Variants in ERBB4 observed in about 807,000 individuals in gnomAD.
The protein encoded by ERBB4 is erb-b2 receptor tyrosine kinase 4.
ERBB4 carries 42 observed loss-of-function variants against 158.0 expected under a neutral mutation model. The observed-to-expected ratio is 0.27, with a 90% CI of 0.21 to 0.34. The LOEUF is 0.34. Among genes scored for constraint, ERBB4 ranks in the 10% least tolerant of loss-of-function variants. The pLI, the probability that ERBB4 is intolerant of heterozygous loss-of-function variation, is 1.00. For synonymous variants in ERBB4, 583 were observed against 558.7 expected (o/e 1.04, Z -0.61); for missense variants, 1,333 against 1,624.1 (o/e 0.82, Z 3.08).
chr2:211,920,165 T>C (rs981836932), intron 3 of ERBB4, among the ~76,000 whole-genome samples: 1 of 151,994 alleles, frequency 6.6e-6, no homozygotes, highest in Admixed American at 6.6e-5. Flanking sequence ...AGGGTCACCT[T>C]ACAGGCAAGT....
In ERBB4 at chr2:212,086,560, G is replaced by A. The variant is rs567445585; in HGVS notation, c.234+38192C>T. On this transcript the variant is annotated intron_variant, in intron 2 of 27. Coordinates refer to ENST00000342788, the MANE Select transcript of ERBB4 (RefSeq NM_005235.3). Reference sequence around the variant, plus strand: ...TCTAACTATTTAATTTTATGAATGTGGTAATCAAGGCCCAGAGTGGCTACA... The same window carrying A: ...TCTAACTATTTAATTTTATGAATGTAGTAATCAAGGCCCAGAGTGGCTACA... Among the ~76,000 whole-genome samples the A allele has an allele frequency of 1.4e-4, 21 of 151,946 alleles. No individual in the cohort carries two copies. The East Asian group carries it at 3.9e-3, about 28-fold the overall frequency.
At chr2:212,417,534 CA>C (rs1160034357) in intron 1 of ERBB4, among the ~76,000 whole-genome samples, 1 of 152,010 alleles carries the variant, frequency 6.6e-6, no homozygotes, top group Non-Finnish European at 1.5e-5. Context: ...TCTACTGACT[CA>C]TTTTTACCAA....
rs1480144652 is a variant in ERBB4, at chr2:212,015,039, AAAATATATATATATATATATATATATAT to A, written c.235-67451_235-67424del. ...AACCCCGTCTCTACTAAAAAAAAAA[AAAATATATATATATATATATATATATAT>A]ATATATATATATATATATATATATA... is the stretch of plus-strand genomic sequence containing the variant. On this transcript the variant is annotated intron_variant, in intron 2 of 27. Coordinates refer to ENST00000342788, the MANE Select transcript of ERBB4 (RefSeq NM_005235.3). Among the ~76,000 whole-genome samples, 22 of 14,436 alleles carry A rather than the reference AAAATATATATATATATATATATATATAT, an allele frequency of 1.5e-3. 3 individuals carry two copies. The highest frequency in any genetic ancestry group is 2.9e-3 in the African/African-American group (21 of 7,244). The allele number at this position is 14,436 out of a possible 152,430, so 9.5% of individuals were successfully genotyped here. A position where few individuals can be genotyped will look rare whatever the true frequency, so the allele number is the denominator to read the frequency against.
intron 1 of ERBB4, among the ~76,000 whole-genome samples, chr2:212,382,427 C>T (rs1054204413): frequency 1.3e-5 from 2 of 150,430 alleles, no homozygotes; most frequent in African/African-American, 4.9e-5. Flanking sequence ...AATAAAACAA[C>T]TTTATAATAT....
intron 12 of ERBB4, among the ~76,000 whole-genome samples, chr2:211,698,937 T>A (rs1417222259): frequency 6.6e-6 from 1 of 152,214 alleles, no homozygotes; most frequent in East Asian, 1.9e-4. Context: ...GCAATCTCAA[T>A]CTCTTCAAAC....
intron 20 of ERBB4, among the ~76,000 whole-genome samples, chr2:211,488,127 A>T (rs1371767713): frequency 6.6e-6 from 1 of 152,008 alleles, no homozygotes; most frequent in Non-Finnish European, 1.5e-5. Context: ...ATGCAGTTCA[A>T]AGGAATGAGC....
chr2:211,435,963 GT>G (rs11300609), intron 20 of ERBB4, among the ~76,000 whole-genome samples: 91,715 of 149,954 alleles, frequency 0.61, 28,113 homozygotes, highest in African/African-American at 0.66. Context: ...TGTTTTCTTT[GT>G]TTTTTTTTTT....
chr2:211,699,178 C>G (rs1396454436), intron 12 of ERBB4, among the ~76,000 whole-genome samples: 4 of 151,992 alleles, frequency 2.6e-5, no homozygotes, highest in African/African-American at 9.7e-5. Context: ...TGTAGGTGAG[C>G]ATGTAAGGGT....
intron 1 of ERBB4, among the ~76,000 whole-genome samples, chr2:212,271,162 AAAATCTATGATGACAG>A (rs71682968): frequency 0.42 from 63,970 of 151,554 alleles, 14,624 homozygotes; most frequent in East Asian, 0.72. Context: ...TACAGAATGG[AAAATCTATGATGACAG>A]AGGCAATACC....
In ERBB4 at chr2:211,378,682, A is replaced by G. The variant is rs576416411; in HGVS notation, c.*4933T>C. 1 of 232,430 alleles carries G rather than the reference A, an allele frequency of 4.3e-6. No individual in the cohort carries two copies. Among genetic ancestry groups the G allele is most frequent in the South Asian group, 1.8e-4 (1 of 5,516 alleles). 14.4% of individuals were successfully genotyped at this position (232,430 alleles called of 1,614,324 possible). On this transcript the variant is annotated 3_prime_UTR_variant, in exon 28 of 28. Transcript: ENST00000342788. Reference sequence around the variant, plus strand: ...AATAATGAGGTCTCCACTGATAATGATCTTTTAAAATTATGCCTGATCTCA... The same window carrying G: ...AATAATGAGGTCTCCACTGATAATGGTCTTTTAAAATTATGCCTGATCTCA...
chr2:212,331,058 G>T (rs193122995), intron 1 of ERBB4, among the ~76,000 whole-genome samples: 597 of 56,312 alleles, frequency 0.011, 17 homozygotes, highest in African/African-American at 0.022. Context: ...TTTGTAATTT[G>T]TATATATATA....
intron 2 of ERBB4, among the ~76,000 whole-genome samples, chr2:212,006,032 A>G (rs932052190): frequency 1.1e-4 from 17 of 152,182 alleles, no homozygotes; most frequent in African/African-American, 4.1e-4. Context: ...AGAAAGAACA[A>G]AATTGCCAAC....
At chr2:211,399,972 C>A (rs1417510095) in intron 25 of ERBB4, among the ~76,000 whole-genome samples, 1 of 152,112 alleles carries the variant, frequency 6.6e-6, no homozygotes, top group Non-Finnish European at 1.5e-5. Flanking sequence ...AAGGAAGGAC[C>A]ATTTTAAAAT....
At chr2:211,810,963 C>T (rs938668886) in intron 3 of ERBB4, among the ~76,000 whole-genome samples, 17 of 152,088 alleles carry the variant, frequency 1.1e-4, no homozygotes, top group Non-Finnish European at 1.9e-4. Context: ...CGTGAGCCAC[C>T]GCGCCTGGCC....
At chr2:211,902,465 CTA>C (rs2079261917) in intron 3 of ERBB4, among the ~76,000 whole-genome samples, 2 of 151,696 alleles carry the variant, frequency 1.3e-5, no homozygotes, top group African/African-American at 4.8e-5. Flanking sequence ...CAGCTAAGAA[CTA>C]AATTATAGTG....
chr2:211,812,483 G>T (rs1026502928), intron 3 of ERBB4, among the ~76,000 whole-genome samples: 3 of 152,178 alleles, frequency 2.0e-5, no homozygotes, highest in African/African-American at 7.2e-5. Flanking sequence ...TCCCAGTTAG[G>T]CTACACAGGG....
At chr2:211,652,419 G>A (rs904185747) in intron 16 of ERBB4, among the ~76,000 whole-genome samples, 1 of 152,084 alleles carries the variant, frequency 6.6e-6, no homozygotes, top group Non-Finnish European at 1.5e-5. Flanking sequence ...CTCATCTAAG[G>A]TAACGATCTA....
chr2:211,682,654 A>T (rs149774747), intron 12 of ERBB4, among the ~76,000 whole-genome samples: 10 of 152,184 alleles, frequency 6.6e-5, no homozygotes, highest in Admixed American at 2.6e-4. Context: ...AAATTTGCAT[A>T]TTTATAAGAA....
chr2:212,077,635 A>G (rs555235617), intron 2 of ERBB4, among the ~76,000 whole-genome samples: 1 of 152,078 alleles, frequency 6.6e-6, no homozygotes, highest in Admixed American at 6.6e-5. Flanking sequence ...CACCTTTGGG[A>G]GGAAGGAGGA....
Sources: gnomAD v4.1 joint callset for allele counts (sites outside exome capture counted in the v4.1 genomes callset) on GRCh38, gnomAD v4.1.1 for gene constraint, MANE v1.5 for transcripts, NCBI Gene and HGNC (gene_info 2026-07-23, HGNC 2026-07-21) for gene names.